LRRC20: variants seen among roughly 807,000 people sequenced by gnomAD.
The protein encoded by LRRC20 is leucine rich repeat containing 20.
In LRRC20, 11 loss-of-function variants were observed where a neutral mutation model predicts 14.4. The ratio of observed to expected loss-of-function variants is 0.77; its 90% CI spans 0.48 to 1.27. LRRC20 has a LOEUF of 1.27. LRRC20 is among the 50% of genes most tolerant of loss of function. The pLI is 0.00. For missense variants in LRRC20, 219 were observed against 251.2 expected, an observed-to-expected ratio of 0.87 and a Z score of 0.87; for synonymous variants, 121 against 107.3, an observed-to-expected ratio of 1.13 and a Z score of -0.79.
At chr10:70,324,498 T>C (rs1453912310) in intron 3 of LRRC20, among the ~76,000 whole-genome samples, 1 of 152,218 alleles carries the variant, frequency 6.6e-6, no homozygotes, top group African/African-American at 2.4e-5. Context: ...TTCAGTGTCA[T>C]GTGCCCCTTC....
intron 3 of LRRC20, among the ~76,000 whole-genome samples, chr10:70,334,346 G>C (rs1353472011): frequency 6.6e-6 from 1 of 152,184 alleles, no homozygotes; most frequent in East Asian, 1.9e-4. Flanking sequence ...AACCCAGTGG[G>C]CTGAAGTGAA....
At position 70,324,015 on chromosome 10, in the gene LRRC20, C is replaced by T; in HGVS notation, c.248G>A (p.Gly83Glu). The change falls in exon 4 of 5, where the codon GGG (glycine) becomes GAG (glutamate). Residue 83 changes from glycine (G) to glutamate (E), a missense_variant. Coordinates refer to ENST00000446961, the MANE Select transcript of LRRC20 (RefSeq NM_001278212.2). ...FSQLRELHLE[G>E]NFLHRLPSEV... ...GCTGGGGAGGCGGTGTAGGAAGTTC[C>T]CCTCCAGGTGGAGCTCTGCCACGTG... The T allele has an allele frequency of 6.2e-7, 1 of 1,614,010 alleles. No homozygotes were observed. The highest frequency in any genetic ancestry group is 8.5e-7 in the Non-Finnish European group (1 of 1,180,004).
intron 3 of LRRC20, among the ~76,000 whole-genome samples, chr10:70,334,318 C>A (rs1312758218): frequency 6.6e-6 from 1 of 152,106 alleles, no homozygotes; most frequent in East Asian, 1.9e-4. Flanking sequence ...TAAGTAACAT[C>A]AGCTATTAGA....
At chr10:70,310,434 A>G (rs1455810845) in intron 4 of LRRC20, among the ~76,000 whole-genome samples, 1 of 152,118 alleles carries the variant, frequency 6.6e-6, no homozygotes. Flanking sequence ...TGCTCCCATC[A>G]CCACTCACCA....
intron 3 of LRRC20, among the ~76,000 whole-genome samples, chr10:70,335,465 C>T (rs1053699762): frequency 2.6e-5 from 4 of 152,252 alleles, no homozygotes; most frequent in Admixed American, 6.5e-5. Context: ...CAGCAGCCAG[C>T]TCCGGCTGCC....
intron 1 of LRRC20, among the ~76,000 whole-genome samples, chr10:70,377,398 C>T (rs1229706362): frequency 6.6e-6 from 1 of 152,194 alleles, no homozygotes; most frequent in East Asian, 1.9e-4. Context: ...ACACCCTCAA[C>T]TCCCTGTTTA....
chr10:70,301,155 C>T lies in LRRC20; in HGVS notation c.*199G>A, dbSNP rs1841162780. 1 of 1,379,708 alleles carries T rather than the reference C, an allele frequency of 7.2e-7. No homozygotes were observed. The highest frequency in any genetic ancestry group is 1.5e-5 in the African/African-American group (1 of 67,846). The allele number at this position is 1,379,708 out of a possible 1,614,324, so 85.5% of individuals were successfully genotyped here. A position where few individuals can be genotyped will look rare whatever the true frequency, so the allele number is the denominator to read the frequency against. The stretch of plus-strand genomic sequence containing the variant: ...GCCGAGTCCAGGCTGCAGGCCCCAC[C>T]TTGCCTCTTCCCTTGGGCATTCCAG... On this transcript the variant is annotated 3_prime_UTR_variant, in exon 5 of 5. Coordinates refer to ENST00000446961, the MANE Select transcript of LRRC20 (RefSeq NM_001278212.2).
chr10:70,340,329 T>C (rs1007986078), intron 3 of LRRC20, among the ~76,000 whole-genome samples: 1 of 152,120 alleles, frequency 6.6e-6, no homozygotes, highest in African/African-American at 2.4e-5. Flanking sequence ...ACCACACCCT[T>C]GATCCTTGTT....
At chr10:70,350,846 G>T (rs1843274980) in intron 2 of LRRC20, among the ~76,000 whole-genome samples, 1 of 152,174 alleles carries the variant, frequency 6.6e-6, no homozygotes, top group Admixed American at 6.5e-5. Context: ...CTCAGGGTTA[G>T]GAGACCGGGG....
chr10:70,345,219 G>A (rs1422372372), intron 2 of LRRC20, among the ~76,000 whole-genome samples: 1 of 151,874 alleles, frequency 6.6e-6, no homozygotes, highest in South Asian at 2.1e-4. Flanking sequence ...AATGCTAAAG[G>A]AAGCTTCACA....
At chr10:70,347,396 T>C (rs1451270770) in intron 2 of LRRC20, among the ~76,000 whole-genome samples, 1 of 152,052 alleles carries the variant, frequency 6.6e-6, no homozygotes, top group Non-Finnish European at 1.5e-5. Context: ...CCAAGGGTAC[T>C]CAAAGCAGCC....
chr10:70,366,282 G>A (rs1029843696), intron 2 of LRRC20, among the ~76,000 whole-genome samples: 7 of 151,798 alleles, frequency 4.6e-5, no homozygotes, highest in Non-Finnish European at 8.8e-5. Flanking sequence ...AATTAACCAG[G>A]CATGGTGGCA....
chr10:70,333,093 G>A (rs912730826), intron 3 of LRRC20, among the ~76,000 whole-genome samples: 3 of 152,234 alleles, frequency 2.0e-5, no homozygotes, highest in Non-Finnish European at 4.4e-5. Context: ...AGAGCTGGGA[G>A]CAAAGGAGAG....
At chr10:70,376,372 G>T in intron 2 of LRRC20, 80 bp downstream of exon 2, 1 of 1,416,040 alleles carries the variant, frequency 7.1e-7, no homozygotes, top group Non-Finnish European at 9.9e-7. Flanking sequence ...TGACGCTTGT[G>T]TCTTTCATCT....
chr10:70,342,627 T>G (rs1017283624), intron 2 of LRRC20, among the ~76,000 whole-genome samples: 1 of 152,016 alleles, frequency 6.6e-6, no homozygotes, highest in African/African-American at 2.4e-5. Context: ...TTGGGAAAAA[T>G]TAAATGTAGT....
chr10:70,324,156 G>C (rs1281139920), intron 3 of LRRC20, 126 bp from the exon 4 acceptor site: 3 of 808,522 alleles, frequency 3.7e-6, no homozygotes, highest in Non-Finnish European at 4.0e-6. Context: ...CTAGGCCACA[G>C]AGGGAGCCCC....
At chr10:70,305,504 T>C (rs1324465771) in intron 4 of LRRC20, among the ~76,000 whole-genome samples, 3 of 152,220 alleles carry the variant, frequency 2.0e-5, no homozygotes, top group Non-Finnish European at 2.9e-5. Flanking sequence ...ATTTAGTCTA[T>C]TCCTGAACTT....
intron 2 of LRRC20, among the ~76,000 whole-genome samples, chr10:70,353,477 G>T (rs562343594): frequency 1.3e-5 from 2 of 152,096 alleles, no homozygotes; most frequent in African/African-American, 4.8e-5. Context: ...GAGTGCAGTG[G>T]TGTAATCTCG....
At chr10:70,369,152 G>A (rs1844156228) in intron 2 of LRRC20, among the ~76,000 whole-genome samples, 1 of 152,172 alleles carries the variant, frequency 6.6e-6, no homozygotes, top group African/African-American at 2.4e-5. Context: ...TCCTTTTCAA[G>A]GAACAGGGTG....
Sources: gnomAD v4.1 joint callset for allele counts (sites outside exome capture counted in the v4.1 genomes callset) on GRCh38, gnomAD v4.1.1 for gene constraint, MANE v1.5 for transcripts, NCBI Gene and HGNC (gene_info 2026-07-23, HGNC 2026-07-21) for gene names.